Variants in MIDEAS observed in about 807,000 individuals in gnomAD.
MIDEAS encodes the protein mitotic deacetylase-associated SANT domain protein.
Under a neutral mutation model 102.7 loss-of-function variants are expected in MIDEAS, and 26 were observed. The observed-to-expected ratio is 0.25, with a 90% CI of 0.19 to 0.35. The LOEUF (loss-of-function observed/expected upper bound fraction) is 0.35, where lower values mean the gene tolerates loss of function less well. Among genes scored for constraint, MIDEAS ranks in the 10% least tolerant of loss-of-function variants. The pLI is 1.00. For synonymous variants in MIDEAS, 585 were observed against 591.0 expected (o/e 0.99, Z 0.15); for missense variants, 1,231 against 1,435.6 (o/e 0.86, Z 2.30).
chr14:73,739,071 G>C lies in MIDEAS; in HGVS notation c.938C>G (p.Pro313Arg), dbSNP rs765568789. ...HHSMAPYPFPPNPDMNPELRK... is the reference protein window; with the variant it reads ...HHSMAPYPFPRNPDMNPELRK... Reference sequence around the variant, plus strand: ...CAGTTCTGGGTTCATATCTGGGTTGGGGGGGAAGGGGTAGGGTGCCATGCT... The same window carrying C: ...CAGTTCTGGGTTCATATCTGGGTTGCGGGGGAAGGGGTAGGGTGCCATGCT... The change falls in exon 2 of 13, where the codon CCC (proline) becomes CGC (arginine). Residue 313 changes from proline (P) to arginine (R), a missense_variant. Physicochemically the swap from Pro to Arg is moderately radical, Grantham distance 103. Coordinates refer to ENST00000423556, the MANE Select transcript of MIDEAS (RefSeq NM_001367710.1). 60 of 1,575,810 alleles carry C rather than the reference G, an allele frequency of 3.8e-5. No individual in the cohort carries two copies. Among genetic ancestry groups the C allele is most frequent in the African/African-American group, 1.6e-4 (12 of 74,344 alleles).
chr14:73,762,498 GC>G (rs2053562289), upstream of MIDEAS, among the ~76,000 whole-genome samples: 1 of 152,226 alleles, frequency 6.6e-6, no homozygotes, highest in African/African-American at 2.4e-5. Context: ...ACACATGTGT[GC>G]AGGGGAGGAG....
chr14:73,738,572 C>A lies in MIDEAS; in HGVS notation c.1437G>T (p.Leu479=). 6.3e-7 allele frequency: 1 copy of A among 1,579,096 alleles called. No individual in the cohort carries two copies. The highest frequency in any genetic ancestry group is 8.6e-7 in the Non-Finnish European group (1 of 1,161,780). ...LAQKAVELAS[L]QNAKDGSGSE... Reference sequence around the variant, plus strand: ...ATGCCACTCTCACCTTTGCATTCTGCAGTGAGGCCAGCTCCACAGCCTTCT... The same window carrying A: ...ATGCCACTCTCACCTTTGCATTCTGAAGTGAGGCCAGCTCCACAGCCTTCT... Residue 479 remains leucine (L), a synonymous_variant, in exon 2 of 13, where the codon CTG becomes CTT. Coordinates refer to ENST00000423556, the MANE Select transcript of MIDEAS (RefSeq NM_001367710.1).
intron 1 of MIDEAS, among the ~76,000 whole-genome samples, chr14:73,765,311 G>A (rs969335047): frequency 6.6e-6 from 1 of 152,240 alleles, no homozygotes; most frequent in African/African-American, 2.4e-5. Context: ...TACAGGTTAA[G>A]AGCACAGGCT....
At chr14:73,730,324 C>T in intron 3 of MIDEAS, 1 of 417,094 alleles carries the variant, frequency 2.4e-6, no homozygotes, top group African/African-American at 2.0e-5. Context: ...GGCCCCCAGA[C>T]CACAGTTCCC....
Position 73,718,635 on chromosome 14 carries a change from A to C in MIDEAS, c.*208T>G. 1 of 449,348 alleles carries C rather than the reference A, an allele frequency of 2.2e-6. No homozygotes were observed. The highest frequency in any genetic ancestry group is 3.8e-5 in the East Asian group (1 of 26,178). 27.8% of individuals were successfully genotyped at this position (449,348 alleles called of 1,614,324 possible). ...GACAGCTTCCGACAGACCAAATGCA[A>C]AGAGAGCTGGATCCTGGAGCCCTTA... On this transcript the variant is annotated 3_prime_UTR_variant, in exon 13 of 13. Transcript: ENST00000423556.
intron 1 of MIDEAS, among the ~76,000 whole-genome samples, chr14:73,772,293 A>T (rs915573154): frequency 2.6e-5 from 4 of 152,372 alleles, no homozygotes; most frequent in South Asian, 2.1e-4. Context: ...TAAAAAAAAG[A>T]TGTTATATAA....
At chr14:73,761,117 G>C (rs1470641297), upstream of MIDEAS, among the ~76,000 whole-genome samples, 1 of 152,026 alleles carries the variant, frequency 6.6e-6, no homozygotes, top group African/African-American at 2.4e-5. Flanking sequence ...GGTGGCGGTG[G>C]CTGTTTTTCA....
rs2053245822 is a variant in MIDEAS at position 73,739,150 on chromosome 14, C to T, written c.859G>A (p.Asp287Asn). Residue 287 changes from aspartate (D) to asparagine (N), a missense_variant, in exon 2 of 13, where the codon GAC becomes AAC. Transcript: ENST00000423556. ...MPQQPSQQPQ[D>N]FGLQPAGPLG... is the part of the protein sequence containing the mutation. ...GGCCCAGCTGGCTGCAGGCCAAAGTCCTGGGGTTGCTGCGAGGGTTGCTGC... is the reference window on the plus strand; with the variant it reads ...GGCCCAGCTGGCTGCAGGCCAAAGTTCTGGGGTTGCTGCGAGGGTTGCTGC... The T allele has an allele frequency of 1.2e-6, 2 of 1,613,666 alleles. No homozygotes were observed. Among genetic ancestry groups the T allele is most frequent in the Non-Finnish European group, 1.7e-6 (2 of 1,179,798 alleles).
intron 1 of MIDEAS, among the ~76,000 whole-genome samples, chr14:73,746,723 G>C (rs1476072903): frequency 1.3e-5 from 2 of 152,046 alleles, no homozygotes; most frequent in Non-Finnish European, 2.9e-5. Context: ...CAAAGATACA[G>C]ATGAGGCCAC....
rs1322412292 is a variant in MIDEAS at position 73,779,573 on chromosome 14, A to ATT, written c.-248+7527_-248+7528dup. Reference sequence around the variant, plus strand: ...TAATTTGTTTATTATTATTATTATTATTTTTTTTTTTTTTTGAGACGGAGT... The same window carrying ATT: ...TAATTTGTTTATTATTATTATTATTATTTTTTTTTTTTTTTTTGAGACGGAGT... On this transcript the variant is annotated intron_variant, in intron 1 of 11. Coordinates refer to the MIDEAS transcript ENST00000394071. Among the ~76,000 whole-genome samples, 445 of 119,936 alleles carry ATT rather than the reference A, an allele frequency of 3.7e-3. 14 individuals carry two copies. Among genetic ancestry groups the ATT allele is most frequent in the Admixed American group, 0.036 (394 of 11,080 alleles). 78.7% of individuals were successfully genotyped at this position (119,936 alleles called of 152,430 possible). A position where few individuals can be genotyped will look rare whatever the true frequency, so the allele number is the denominator to read the frequency against.
chr14:73,764,801 C>T (rs1483197734), upstream of MIDEAS, among the ~76,000 whole-genome samples: 2 of 152,276 alleles, frequency 1.3e-5, no homozygotes, highest in Non-Finnish European at 2.9e-5. Context: ...CACACCAGCC[C>T]ACAGCTGTCT....
chr14:73,782,051 A>G (rs567124134), intron 1 of MIDEAS, among the ~76,000 whole-genome samples: 2 of 152,318 alleles, frequency 1.3e-5, no homozygotes, highest in East Asian at 3.9e-4. Context: ...AAAAAACAGG[A>G]ATCTACCAGA....
chr14:73,741,245 G>C (rs562481320), intron 1 of MIDEAS, among the ~76,000 whole-genome samples: 1 of 152,174 alleles, frequency 6.6e-6, no homozygotes, highest in Admixed American at 6.5e-5. Flanking sequence ...TTTTTGTTTC[G>C]TAACTTGATT....
chr14:73,755,399 G>A lies in MIDEAS; in HGVS notation c.-248+4364C>T, dbSNP rs905651393. ...TATAATTCTTGGTGTTTCCTTCACC[G>A]TTGCACATAATTTTAATGGGTAAAA... On this transcript the variant is annotated intron_variant, in intron 1 of 12. Transcript: ENST00000423556. Among the ~76,000 whole-genome samples the A allele has an allele frequency of 5.3e-5, 8 of 152,180 alleles. No individual in the cohort carries two copies. In the South Asian group the frequency reaches 6.2e-4, roughly 12 times the overall value.
At position 73,725,682 on chromosome 14, in the gene MIDEAS, C is replaced by T. The variant is rs2053051562; in HGVS notation, c.2486-322G>A. On this transcript the variant is annotated intron_variant, in intron 8 of 12. Transcript: ENST00000423556. This position sits in a 1 kb window ranked among gnomAD's most constrained non-coding sequence, Gnocchi z 4.1. ...GGCTGTTAGGATTATGTGACTCGGT[C>T]CATGTCCTTCTTAAAGTGACCAGAA... Among the ~76,000 whole-genome samples, 1 of 152,200 alleles carries T rather than the reference C, an allele frequency of 6.6e-6. No individual in the cohort carries two copies. Among genetic ancestry groups the T allele is most frequent in the South Asian group, 2.1e-4 (1 of 4,822 alleles).
At chr14:73,757,937 C>A (rs1566602526) in intron 1 of MIDEAS, among the ~76,000 whole-genome samples, 1 of 152,222 alleles carries the variant, frequency 6.6e-6, no homozygotes, top group South Asian at 2.1e-4. Flanking sequence ...GGGTGAGGAG[C>A]TGACAGAGTC....
chr14:73,729,907 T>G lies in MIDEAS; in HGVS notation c.1828A>C (p.Ile610Leu), dbSNP rs1429009440. ...AAAGTGCCCGCCTTGGTGGGGATGA[T>G]GAGGGGCTCGGGCCTGGGCCGCTGC... is the stretch of plus-strand genomic sequence containing the variant. ...PKQRPRPEPL[I>L]IPTKAGTFIA... is the part of the protein sequence containing the mutation. The change falls in exon 4 of 13, where the codon ATC (isoleucine) becomes CTC (leucine). Residue 610 changes from isoleucine to leucine, a missense_variant. By Grantham distance (5) the Ile-to-Leu change is conservative. This residue lies in a region of MIDEAS where 758 missense variants were observed against 856.0 expected (regional missense o/e 0.89). Coordinates refer to ENST00000423556, the MANE Select transcript of MIDEAS (RefSeq NM_001367710.1). 1.2e-6 allele frequency: 2 copies of G among 1,612,486 alleles called. No homozygotes were observed. The highest frequency in any genetic ancestry group is 1.1e-5 in the South Asian group (1 of 90,938).
chr14:73,776,529 CAAA>C (rs71460920), intron 1 of MIDEAS, among the ~76,000 whole-genome samples: 5 of 113,200 alleles, frequency 4.4e-5, no homozygotes, highest in Non-Finnish European at 3.9e-5. Flanking sequence ...GTTTAAATTA[CAAA>C]AAAAAAAAAA....
chr14:73,722,679 A>G lies in MIDEAS; in HGVS notation c.2724+19T>C. ...ACCCAGCCCAGGCTCTATGCAGCTGAGGTTGGAAAAGGAGTCACCTTAATA... is the reference window on the plus strand; with the variant it reads ...ACCCAGCCCAGGCTCTATGCAGCTGGGGTTGGAAAAGGAGTCACCTTAATA... On this transcript the variant is annotated intron_variant, in intron 10 of 12. Transcript: ENST00000423556. 6.2e-7 allele frequency: 1 copy of G among 1,612,574 alleles called. No individual in the cohort carries two copies. The highest frequency in any genetic ancestry group is 8.5e-7 in the Non-Finnish European group (1 of 1,178,924).
Sources: allele counts gnomAD v4.1 joint callset (sites outside exome capture counted in the v4.1 genomes callset), GRCh38; gene constraint gnomAD v4.1.1; regional missense constraint gnomAD v4.1.1; non-coding constraint Gnocchi (gnomAD v3.1); transcripts MANE v1.5; gene names NCBI Gene and HGNC (gene_info 2026-07-23, HGNC 2026-07-21).